The following EXD1 variants were observed in gnomAD, a reference collection of about 807,000 sequenced individuals.
EXD1 encodes exonuclease 3'-5' domain containing 1.
A neutral mutation model predicts 49.1 loss-of-function variants in EXD1; 63 were observed. That is an observed-to-expected ratio of 1.28 (90% CI 1.05 to 1.58). EXD1 has a LOEUF of 1.58. Among genes scored for constraint, EXD1 ranks in the 40% most tolerant of loss-of-function variants. The pLI, the probability that EXD1 is intolerant of heterozygous loss-of-function variation, is 0.00. For synonymous variants in EXD1, 234 were observed against 239.2 expected (o/e 0.98, Z 0.20); for missense variants, 748 against 666.0 (o/e 1.12, Z -1.36).
In EXD1 at chr15:41,230,746, C is replaced by A; in HGVS notation, c.-321G>T. On this transcript the variant is annotated 5_prime_UTR_variant, in exon 1 of 12. Coordinates refer to ENST00000458580, the MANE Select transcript of EXD1 (RefSeq NM_001286441.2). The stretch of plus-strand genomic sequence containing the variant: ...AGGCGACGCCCGCCCGGCCCAACGT[C>A]CAGTCTCGTCTGTTTCCCGAGGAGC... The A allele has an allele frequency of 3.4e-6, 2 of 586,016 alleles. No homozygotes were observed. Among genetic ancestry groups the A allele is most frequent in the South Asian group, 4.2e-5 (2 of 47,882 alleles). 36.3% of individuals were successfully genotyped at this position (586,016 alleles called of 1,614,324 possible). A position where few individuals can be genotyped will look rare whatever the true frequency, so the allele number is the denominator to read the frequency against.
At chr15:41,224,907 G>A (rs1484356038) in intron 2 of EXD1, among the ~76,000 whole-genome samples, 5 of 151,998 alleles carry the variant, frequency 3.3e-5, no homozygotes, top group Admixed American at 6.6e-5. Context: ...AGGCTGCAGC[G>A]AGCCGTGATC....
chr15:41,227,902 TAGCC>T (rs1176239081), intron 1 of EXD1, among the ~76,000 whole-genome samples: 2 of 151,262 alleles, frequency 1.3e-5, no homozygotes, highest in Non-Finnish European at 2.9e-5. Flanking sequence ...ACACAAAAAT[TAGCC>T]AGCTGTAGTG....
At chr15:41,201,000 A>G (rs2046720200) in intron 7 of EXD1, among the ~76,000 whole-genome samples, 1 of 151,724 alleles carries the variant, frequency 6.6e-6, no homozygotes, top group Non-Finnish European at 1.5e-5. Flanking sequence ...TAGCCTCCCA[A>G]GTAGTTGGGG....
chr15:41,226,142 C>T (rs1321368870), intron 2 of EXD1, among the ~76,000 whole-genome samples: 5 of 151,648 alleles, frequency 3.3e-5, no homozygotes, highest in Non-Finnish European at 5.9e-5. Context: ...GTCCCAGCTA[C>T]TCGGGAGGCT....
intron 3 of EXD1, among the ~76,000 whole-genome samples, chr15:41,219,138 T>C (rs16971654): frequency 0.16 from 24,533 of 152,140 alleles, 3,642 homozygotes; most frequent in African/African-American, 0.39. Flanking sequence ...CTACTTGACA[T>C]GTATGAAGCA....
intron 7 of EXD1, 56 bp from the exon 8 acceptor site, chr15:41,196,093 G>A (rs887424746): frequency 2.0e-5 from 25 of 1,276,560 alleles, no homozygotes; most frequent in Non-Finnish European, 2.4e-5. Flanking sequence ...CTGAGGAAGG[G>A]AAATTTGAGG....
chr15:41,198,239 G>A (rs1327530836), intron 7 of EXD1, among the ~76,000 whole-genome samples: 2 of 152,020 alleles, frequency 1.3e-5, no homozygotes, highest in African/African-American at 2.4e-5. Context: ...TTCAGGACAG[G>A]CACTAGTCAC....
intron 6 of EXD1, among the ~76,000 whole-genome samples, chr15:41,210,598 G>A (rs2046906632): frequency 6.6e-6 from 1 of 151,974 alleles, no homozygotes; most frequent in Non-Finnish European, 1.5e-5. Flanking sequence ...GCTAAAGTGG[G>A]AGGATCACTT....
intron 3 of EXD1, among the ~76,000 whole-genome samples, 195 bp from the exon 4 acceptor site, chr15:41,217,349 ATTCTAT>A (rs2047016265): frequency 1.3e-5 from 2 of 152,168 alleles, no homozygotes; most frequent in African/African-American, 4.8e-5. Flanking sequence ...GACTCTCAGT[ATTCTAT>A]CCCTACAAAG....
chr15:41,209,415 T>C, intron 7 of EXD1, 86 bp downstream of exon 7: 1 of 1,162,534 alleles, frequency 8.6e-7, no homozygotes, highest in Non-Finnish European at 1.2e-6. Flanking sequence ...ATCTCTAAAA[T>C]ACAGTTTTCA....
At chr15:41,218,854 G>A (rs535824850) in intron 3 of EXD1, among the ~76,000 whole-genome samples, 1 of 152,312 alleles carries the variant, frequency 6.6e-6, no homozygotes, top group East Asian at 1.9e-4. Flanking sequence ...TGGATTGGCA[G>A]TCATTAATTT....
At chr15:41,204,972 G>C (rs1359970066) in intron 7 of EXD1, among the ~76,000 whole-genome samples, 1 of 152,022 alleles carries the variant, frequency 6.6e-6, no homozygotes, top group Non-Finnish European at 1.5e-5. Flanking sequence ...GGCCTTGCTG[G>C]GTTTCCCAGT....
Position 41,219,637 on chromosome 15 carries a change from G to A in EXD1, c.202+193C>T, listed in dbSNP as rs2047055901. 1.6e-5 allele frequency: 8 copies of A among 493,120 alleles called. 1 individual carries two copies. In the South Asian group the frequency reaches 2.4e-4, roughly 15 times the overall value. 30.5% of individuals were successfully genotyped at this position (493,120 alleles called of 1,614,324 possible). ...CGTAGTGATAAGCACCAGCACACCT[G>A]ACATTATAAAACCAAAATGATTATA... is the stretch of plus-strand genomic sequence containing the variant. On this transcript the variant is annotated intron_variant, in intron 3 of 11. Transcript: ENST00000458580.
At chr15:41,219,968 C>T (rs1232263452) in intron 2 of EXD1, 70 bp from the exon 3 acceptor site, 3 of 1,192,150 alleles carry the variant, frequency 2.5e-6, no homozygotes, top group Non-Finnish European at 3.5e-6. Context: ...TATGATGCCT[C>T]TCAAAATTTC....
At chr15:41,226,160 G>C (rs548926092) in intron 2 of EXD1, among the ~76,000 whole-genome samples, 1 of 151,532 alleles carries the variant, frequency 6.6e-6, no homozygotes, top group East Asian at 2.0e-4. Flanking sequence ...GCTGAGGCAG[G>C]AGAATGGTGT....
chr15:41,187,875 C>T (rs368375113), intron 11 of EXD1, among the ~76,000 whole-genome samples: 1 of 151,798 alleles, frequency 6.6e-6, no homozygotes, highest in Non-Finnish European at 1.5e-5. Context: ...ATTAGCCAGG[C>T]GGGGTGGTGC....
chr15:41,209,376 C>T, intron 7 of EXD1, 125 bp downstream of exon 7: 1 of 782,516 alleles, frequency 1.3e-6, no homozygotes, highest in South Asian at 1.8e-5. Flanking sequence ...ATGATCTGCA[C>T]TGTGGCCTCA....
At chr15:41,202,150 A>T (rs1342786496) in intron 7 of EXD1, among the ~76,000 whole-genome samples, 1 of 82,616 alleles carries the variant, frequency 1.2e-5, no homozygotes, top group African/African-American at 1.0e-4. Flanking sequence ...AACTTTCATT[A>T]TATATATATA....
chr15:41,193,076 G>A (rs922000260), intron 9 of EXD1, among the ~76,000 whole-genome samples: 2 of 151,912 alleles, frequency 1.3e-5, no homozygotes, highest in Non-Finnish European at 2.9e-5. Context: ...GAGCCACCGC[G>A]CCCGGCCTCT....
Sources: allele counts gnomAD v4.1 joint callset (sites outside exome capture counted in the v4.1 genomes callset), GRCh38; gene constraint gnomAD v4.1.1; transcripts MANE v1.5; gene names NCBI Gene and HGNC (gene_info 2026-07-23, HGNC 2026-07-21).